The following PARD3 variants were observed in gnomAD, a reference collection of about 807,000 sequenced individuals.
PARD3 encodes partitioning defective 3 homolog.
Under a neutral mutation model 155.4 loss-of-function variants are expected in PARD3, and 75 were observed. That is an observed-to-expected ratio of 0.48 (90% confidence interval 0.40 to 0.58). The LOEUF is 0.58. PARD3 is among the 20% of genes least tolerant of loss of function. PARD3 has a pLI of 0.00. For missense variants in PARD3, 1,642 were observed against 1,721.7 expected (o/e 0.95, Z 0.82); for synonymous variants, 576 against 610.5 (o/e 0.94, Z 0.83).
chr10:34,514,902 T>C (rs1346264225), intron 3 of PARD3, among the ~76,000 whole-genome samples: 1 of 152,206 alleles, frequency 6.6e-6, no homozygotes, highest in Non-Finnish European at 1.5e-5. Context: ...TGTGGCTATA[T>C]TAAAGCTACA....
In PARD3 at chr10:34,142,436, G is replaced by A. The variant is rs536685116; in HGVS notation, c.3420-10853C>T. Among the ~76,000 whole-genome samples, 40 of 152,122 alleles carry A rather than the reference G, an allele frequency of 2.6e-4. No individual in the cohort carries two copies. In the South Asian group the frequency reaches 2.9e-3, roughly 11 times the overall value. ...TGTAGGCCCAGCTACTTGGAAGGCT[G>A]AAGCAGGAGAATTGCTTGAGCCCAG... On this transcript the variant is annotated intron_variant, in intron 22 of 24. Coordinates refer to ENST00000374788, the MANE Select transcript of PARD3 (RefSeq NM_001184785.2).
rs542367155 is a variant in PARD3, at chr10:34,387,087, G to A, written c.891-2833C>T. Among the ~76,000 whole-genome samples, 298 of 152,266 alleles carry A rather than the reference G, an allele frequency of 2.0e-3. 3 individuals carry two copies. In the South Asian group the frequency reaches 0.024, roughly 12 times the overall value. On this transcript the variant is annotated intron_variant, in intron 7 of 24. Coordinates refer to ENST00000374788, the MANE Select transcript of PARD3 (RefSeq NM_001184785.2). ...ACACTTTGGAATGTGTATGCTTTCA[G>A]TCCTTGCAATAAAAATATGCCCTAC... is the stretch of plus-strand genomic sequence containing the variant.
chr10:34,592,779 A>G (rs1243080555), intron 2 of PARD3, among the ~76,000 whole-genome samples: 2 of 152,150 alleles, frequency 1.3e-5, no homozygotes, highest in Non-Finnish European at 2.9e-5. Context: ...TGTCTCAAAA[A>G]CTATATAATA....
At chr10:34,575,101 T>C (rs1474710226) in intron 2 of PARD3, among the ~76,000 whole-genome samples, 4 of 152,016 alleles carry the variant, frequency 2.6e-5, no homozygotes, top group Non-Finnish European at 5.9e-5. Flanking sequence ...TGCCTCAACC[T>C]CCCAAAGTGC....
chr10:34,675,438 C>T (rs907376353), intron 2 of PARD3, among the ~76,000 whole-genome samples: 1 of 152,158 alleles, frequency 6.6e-6, no homozygotes, highest in East Asian at 1.9e-4. Flanking sequence ...TGAATTTCAA[C>T]CATTTACTTC....
intron 2 of PARD3, among the ~76,000 whole-genome samples, chr10:34,576,059 G>A (rs2086862687): frequency 1.3e-5 from 2 of 152,176 alleles, no homozygotes; most frequent in African/African-American, 4.8e-5. Context: ...TGCAGGCAAT[G>A]GTTATGTGCA....
chr10:34,514,611 G>A (rs2081597168), intron 3 of PARD3, among the ~76,000 whole-genome samples: 1 of 152,112 alleles, frequency 6.6e-6, no homozygotes. Flanking sequence ...ATGAGAACAA[G>A]AAAATAAGAT....
At chr10:34,389,042 C>G (rs1201984570) in intron 7 of PARD3, among the ~76,000 whole-genome samples, 2 of 151,972 alleles carry the variant, frequency 1.3e-5, no homozygotes, top group East Asian at 3.9e-4. Flanking sequence ...GCTTTTCAAG[C>G]AAATGGATTT....
intron 1 of PARD3, among the ~76,000 whole-genome samples, chr10:34,733,676 G>T (rs12249841): frequency 0.013 from 1,934 of 152,216 alleles, 33 homozygotes; most frequent in African/African-American, 0.043. Context: ...TAGAGACGGG[G>T]TTTGAGATCT....
At chr10:34,141,479 C>A (rs1180632101) in intron 22 of PARD3, among the ~76,000 whole-genome samples, 2 of 152,196 alleles carry the variant, frequency 1.3e-5, no homozygotes, top group Non-Finnish European at 2.9e-5. Flanking sequence ...GTTAATCCTG[C>A]ATTTGCTTCT....
chr10:34,491,067 G>A (rs1329708331), intron 3 of PARD3, among the ~76,000 whole-genome samples: 2 of 152,170 alleles, frequency 1.3e-5, no homozygotes, highest in African/African-American at 4.8e-5. Flanking sequence ...AGGTCTGGAT[G>A]GGGCCTGAGA....
intron 2 of PARD3, among the ~76,000 whole-genome samples, chr10:34,645,315 C>T (rs945664643): frequency 1.3e-5 from 2 of 152,062 alleles, no homozygotes; most frequent in Admixed American, 6.6e-5. Context: ...AAGAGATTCT[C>T]ATGCCTCAGC....
intron 23 of PARD3, among the ~76,000 whole-genome samples, chr10:34,122,411 A>G (rs983122511): frequency 1.3e-5 from 2 of 152,230 alleles, no homozygotes; most frequent in Non-Finnish European, 2.9e-5. Flanking sequence ...AAACTTTATC[A>G]GCTACAAGTA....
At chr10:34,513,827 G>T (rs925353742) in intron 3 of PARD3, among the ~76,000 whole-genome samples, 1 of 152,188 alleles carries the variant, frequency 6.6e-6, no homozygotes, top group Admixed American at 6.5e-5. Context: ...ATTGTCCTGT[G>T]CTTGTAAGGT....
intron 2 of PARD3, among the ~76,000 whole-genome samples, chr10:34,677,493 AG>A (rs2093730999): frequency 6.6e-6 from 1 of 151,920 alleles, no homozygotes; most frequent in Non-Finnish European, 1.5e-5. Flanking sequence ...AAAAAAAAAA[AG>A]AAAAGAAACT....
intron 4 of PARD3, among the ~76,000 whole-genome samples, chr10:34,451,085 C>A (rs2077029795): frequency 6.6e-6 from 1 of 152,154 alleles, no homozygotes; most frequent in African/African-American, 2.4e-5. Flanking sequence ...ATGGATATAA[C>A]AAGCGATGTC....
chr10:34,480,780 G>C (rs2079024170), intron 3 of PARD3, among the ~76,000 whole-genome samples: 1 of 149,138 alleles, frequency 6.7e-6, no homozygotes, highest in Admixed American at 6.7e-5. Flanking sequence ...GGGTACATCT[G>C]CAGGTTTCTT....
chr10:34,459,663 A>G (rs2077524050), intron 4 of PARD3, among the ~76,000 whole-genome samples: 1 of 152,328 alleles, frequency 6.6e-6, no homozygotes, highest in South Asian at 2.1e-4. Flanking sequence ...AGTCTTATAC[A>G]TTATTTAGAT....
In PARD3 at chr10:34,367,652, G is replaced by A. The variant is rs139699216; in HGVS notation, c.1707+4846C>T. ...CTGGGCGAGAAGGTTGCAGTGAGCC[G>A]AGATCGAGCCACTGCACTCCAGCCT... is the stretch of plus-strand genomic sequence containing the variant. On this transcript the variant is annotated intron_variant, in intron 12 of 24. Coordinates refer to ENST00000374788, the MANE Select transcript of PARD3 (RefSeq NM_001184785.2). 1.7e-3 allele frequency among the ~76,000 whole-genome samples: 261 copies of A among 152,228 alleles called. 6 individuals are homozygous for A. The East Asian group carries it at 0.04, about 24-fold the overall frequency.
Sources: gnomAD v4.1 joint callset for allele counts (sites outside exome capture counted in the v4.1 genomes callset) on GRCh38, gnomAD v4.1.1 for gene constraint, MANE v1.5 for transcripts, NCBI Gene and HGNC (gene_info 2026-07-23, HGNC 2026-07-21) for gene names.